The following GDAP1 variants were observed in gnomAD, a reference collection of about 807,000 sequenced individuals.
The protein encoded by GDAP1 is ganglioside-induced differentiation-associated protein 1.
GDAP1 carries 34 observed loss-of-function variants against 40.1 expected under a neutral mutation model. That is an observed-to-expected ratio of 0.85 (90% confidence interval 0.64 to 1.13). The LOEUF (loss-of-function observed/expected upper bound fraction) is 1.13, where lower values mean the gene tolerates loss of function less well. Ranked by LOEUF, GDAP1 falls within the 50% of genes most tolerant of loss-of-function variation. GDAP1 has a pLI of 0.00. For missense variants in GDAP1, 374 were observed against 433.7 expected (o/e 0.86, Z 1.22); for synonymous variants, 170 against 157.4 (o/e 1.08, Z -0.60).
At chr8:74,462,494 G>A (rs1806413354) in intron 2 of GDAP1, among the ~76,000 whole-genome samples, 1 of 152,252 alleles carries the variant, frequency 6.6e-6, no homozygotes, top group South Asian at 2.1e-4. Context: ...GGTAAAAATC[G>A]TTCATTCCAG....
At chr8:74,391,945 A>G (rs1423374930) in intron 2 of GDAP1, among the ~76,000 whole-genome samples, 2 of 152,060 alleles carry the variant, frequency 1.3e-5, no homozygotes, top group Non-Finnish European at 2.9e-5. Context: ...CAGCCTCCCA[A>G]GTAGCTGGGA....
chr8:74,407,404 C>T (rs919680869), intron 2 of GDAP1, among the ~76,000 whole-genome samples: 1 of 149,828 alleles, frequency 6.7e-6, no homozygotes. Flanking sequence ...TGCGTGGGTA[C>T]CATCTAACTG....
Position 74,453,940 on chromosome 8 carries a change from A to AACACAC in GDAP1, c.166-34707_166-34702dup, listed in dbSNP as rs59331820. ...CTTTATTATCTACTATTCTGAAGAAAACACACACACACACACACACACACA... is the reference window on the plus strand; with the variant it reads ...CTTTATTATCTACTATTCTGAAGAAAACACACACACACACACACACACACACACACA... On this transcript the variant is annotated intron_variant, in intron 2 of 2. Coordinates refer to the GDAP1 transcript ENST00000523640. Among the ~76,000 whole-genome samples, 251 of 59,078 alleles carry AACACAC rather than the reference A, an allele frequency of 4.2e-3. 82 individuals carry two copies. Among genetic ancestry groups the AACACAC allele is most frequent in the African/African-American group, 0.017 (214 of 12,632 alleles). 38.8% of individuals were successfully genotyped at this position (59,078 alleles called of 152,430 possible).
At chr8:74,358,387 A>G (rs1382874337) in intron 2 of GDAP1, among the ~76,000 whole-genome samples, 3 of 152,216 alleles carry the variant, frequency 2.0e-5, no homozygotes, top group Non-Finnish European at 4.4e-5. Flanking sequence ...TGTACTATTT[A>G]GGGTTATTAG....
chr8:74,472,705 CTTTCT>C (rs142771587), intron 2 of GDAP1, among the ~76,000 whole-genome samples: 5,900 of 144,508 alleles, frequency 0.041, 142 homozygotes, highest in African/African-American at 0.069. Flanking sequence ...CGATATTGAG[CTTTCT>C]TTTCTTTTCT....
intron 2 of GDAP1, among the ~76,000 whole-genome samples, chr8:74,470,486 C>G (rs566782598): frequency 7.9e-4 from 120 of 152,118 alleles, no homozygotes; most frequent in African/African-American, 2.7e-3. Context: ...TCCCACCTAT[C>G]AGTGAGAACA....
At chr8:74,373,314 G>A (rs1316629860) in intron 2 of GDAP1, among the ~76,000 whole-genome samples, 1 of 152,176 alleles carries the variant, frequency 6.6e-6, no homozygotes, top group Non-Finnish European at 1.5e-5. Flanking sequence ...GTAACTTGAT[G>A]GGGATGGCAT....
At chr8:74,408,655 C>T (rs1238401143) in intron 2 of GDAP1, among the ~76,000 whole-genome samples, 4 of 150,058 alleles carry the variant, frequency 2.7e-5, no homozygotes, top group South Asian at 2.1e-4. Flanking sequence ...TGTTTATAAG[C>T]GACTCAGTCT....
chr8:74,417,506 A>T (rs1228260426), intron 2 of GDAP1, among the ~76,000 whole-genome samples: 2 of 150,204 alleles, frequency 1.3e-5, no homozygotes, highest in Admixed American at 6.6e-5. Flanking sequence ...ACCTCAGGTG[A>T]TCCACCCGCC....
chr8:74,387,934 A>T (rs573848147), intron 2 of GDAP1, among the ~76,000 whole-genome samples: 26 of 152,116 alleles, frequency 1.7e-4, no homozygotes, highest in Non-Finnish European at 3.4e-4. Flanking sequence ...CAAGGAATTT[A>T]TCCATTTCTT....
chr8:74,471,725 G>T (rs1384533404), intron 2 of GDAP1, among the ~76,000 whole-genome samples: 1 of 151,950 alleles, frequency 6.6e-6, no homozygotes, highest in Non-Finnish European at 1.5e-5. Context: ...GTCACTGTCG[G>T]TCAGTTTACA....
chr8:74,428,236 CAACAACAACAACAACAAT>C (rs1293187844), intron 2 of GDAP1, among the ~76,000 whole-genome samples: 4 of 148,890 alleles, frequency 2.7e-5, no homozygotes, highest in Admixed American at 1.3e-4. Flanking sequence ...CTAACAACAA[CAACAACAACAACAACAAT>C]AACAACAACA....
At position 74,441,689 on chromosome 8, in the gene GDAP1, G is replaced by A. The variant is rs557467089; in HGVS notation, c.166-46989G>A. On this transcript the variant is annotated intron_variant, in intron 2 of 2. Transcript: ENST00000523640. The stretch of plus-strand genomic sequence containing the variant: ...TTCTAACTCCAAGTTGAAATGATCC[G>A]TAATATTACAGTTTTTAGTATTTAT... 4.6e-5 allele frequency among the ~76,000 whole-genome samples: 7 copies of A among 152,164 alleles called. No individual in the cohort carries two copies. The East Asian group carries it at 9.6e-4, about 21-fold the overall frequency.
At chr8:74,429,452 C>T (rs1805999312) in intron 2 of GDAP1, among the ~76,000 whole-genome samples, 1 of 152,130 alleles carries the variant, frequency 6.6e-6, no homozygotes, top group African/African-American at 2.4e-5. Flanking sequence ...ATACTACAGA[C>T]AGGGAAGGTT....
intron 2 of GDAP1, among the ~76,000 whole-genome samples, chr8:74,419,411 C>A (rs1287482681): frequency 6.6e-6 from 1 of 152,110 alleles, no homozygotes; most frequent in African/African-American, 2.4e-5. Flanking sequence ...GTAAGAGAGG[C>A]CAGTCTCAAC....
Position 74,360,195 on chromosome 8 carries a change from T to C in GDAP1, c.369T>C (p.His123=), listed in dbSNP as rs778760828. 1 of 1,613,672 alleles carries C rather than the reference T, an allele frequency of 6.2e-7. No homozygotes were observed. Among genetic ancestry groups the C allele is most frequent in the Non-Finnish European group, 8.5e-7 (1 of 1,179,558 alleles). The change falls in exon 3 of 6, where the codon CAT becomes CAC. Residue 123 remains histidine, a synonymous_variant. Coordinates refer to ENST00000220822, the MANE Select transcript of GDAP1 (RefSeq NM_018972.4). ...GCATGTATTACCCACGGGTACAACA[T>C]TACCGAGAGCTGCTTGACTCCTTGC... ...KESMYYPRVQ[H]YRELLDSLPM...
chr8:74,383,626 C>A (rs1809986035), intron 2 of GDAP1, among the ~76,000 whole-genome samples: 1 of 152,130 alleles, frequency 6.6e-6, no homozygotes, highest in East Asian at 1.9e-4. Context: ...CCAAATCTTT[C>A]TTTTCATCTT....
intron 2 of GDAP1, among the ~76,000 whole-genome samples, chr8:74,386,169 G>T (rs1379521920): frequency 6.6e-6 from 1 of 152,066 alleles, no homozygotes; most frequent in African/African-American, 2.4e-5. Flanking sequence ...AGTTTCTTTT[G>T]CTGTGCAGAA....
chr8:74,357,765 C>T (rs1200526182), intron 2 of GDAP1, among the ~76,000 whole-genome samples: 1 of 152,188 alleles, frequency 6.6e-6, no homozygotes. Context: ...CCCTAATTCT[C>T]TGTCCTGCCC....
Sources: gnomAD v4.1 joint callset for allele counts (sites outside exome capture counted in the v4.1 genomes callset) on GRCh38, gnomAD v4.1.1 for gene constraint, MANE v1.5 for transcripts, NCBI Gene and HGNC (gene_info 2026-07-23, HGNC 2026-07-21) for gene names.